Variants in TMPRSS15 observed in about 807,000 individuals in gnomAD.
TMPRSS15 encodes transmembrane serine protease 15, also known as enteropeptidase.
A neutral mutation model predicts 125.3 loss-of-function variants in TMPRSS15; 128 were observed. The ratio of observed to expected loss-of-function variants is 1.02; its 90% CI spans 0.89 to 1.18. TMPRSS15 has a LOEUF of 1.18. Ranked by LOEUF, TMPRSS15 falls within the 50% of genes most tolerant of loss-of-function variation. TMPRSS15 has a pLI of 0.00. For missense variants in TMPRSS15, 1,283 were observed against 1,212.7 expected (o/e 1.06, Z -0.86); for synonymous variants, 446 against 423.2 (o/e 1.05, Z -0.66).
chr21:18,383,852 T>C lies in TMPRSS15; in HGVS notation c.345-74A>G, dbSNP rs549390928. On this transcript the variant is annotated intron_variant, in intron 3 of 24. Coordinates refer to ENST00000284885, the MANE Select transcript of TMPRSS15 (RefSeq NM_002772.3). ...TGATTTGTGTTCAATTCATGTTAAATGTCTTTGAAATTCTCTATAGTTATC... is the reference window on the plus strand; with the variant it reads ...TGATTTGTGTTCAATTCATGTTAAACGTCTTTGAAATTCTCTATAGTTATC... 1.3e-4 allele frequency: 198 copies of C among 1,527,156 alleles called. No individual in the cohort carries two copies. In the East Asian group the frequency reaches 4.2e-3, roughly 32 times the overall value. 94.6% of individuals were successfully genotyped at this position (1,527,156 alleles called of 1,614,324 possible).
chr21:18,424,594 A>G (rs897718125), intron 1 of TMPRSS15, among the ~76,000 whole-genome samples: 1 of 152,192 alleles, frequency 6.6e-6, no homozygotes, highest in Non-Finnish European at 1.5e-5. Flanking sequence ...CAAGTCCTTG[A>G]TAGGTTTAAT....
At chr21:18,418,225 C>A (rs148497293) in intron 1 of TMPRSS15, among the ~76,000 whole-genome samples, 6 of 152,226 alleles carry the variant, frequency 3.9e-5, no homozygotes, top group African/African-American at 1.4e-4. Context: ...AAGACGATAC[C>A]CAAAATACAG....
chr21:18,288,553 TGAGATGGAGTG>T (rs1568985139), intron 21 of TMPRSS15, among the ~76,000 whole-genome samples: 2 of 98,688 alleles, frequency 2.0e-5, no homozygotes, highest in Non-Finnish European at 2.0e-5. Context: ...TTTTTTTTTT[TGAGATGGAGTG>T]TTGTGTTGCT....
At chr21:18,448,698 T>C (rs922951931) in intron 1 of TMPRSS15, among the ~76,000 whole-genome samples, 7 of 152,122 alleles carry the variant, frequency 4.6e-5, no homozygotes, top group Non-Finnish European at 8.8e-5. Context: ...ATTTTAAATA[T>C]CATATCATAC....
At chr21:18,471,100 A>G (rs987083959) in intron 1 of TMPRSS15, among the ~76,000 whole-genome samples, 8 of 152,100 alleles carry the variant, frequency 5.3e-5, no homozygotes, top group Admixed American at 1.3e-4. Flanking sequence ...ACTGTCAGAG[A>G]TAGGACTCAT....
chr21:18,381,180 T>C (rs1360804248), intron 4 of TMPRSS15, among the ~76,000 whole-genome samples: 1 of 152,148 alleles, frequency 6.6e-6, no homozygotes, highest in Non-Finnish European at 1.5e-5. Flanking sequence ...TATTCAAGAC[T>C]ATATTGATGA....
At chr21:18,415,284 A>G (rs1003098000) in intron 1 of TMPRSS15, among the ~76,000 whole-genome samples, 1 of 151,980 alleles carries the variant, frequency 6.6e-6, no homozygotes, top group African/African-American at 2.4e-5. Flanking sequence ...CGTTTTGCAA[A>G]TGTTTTCTCC....
intron 6 of TMPRSS15, 133 bp downstream of exon 6, chr21:18,372,060 A>G: frequency 1.7e-6 from 1 of 578,960 alleles, no homozygotes; most frequent in Non-Finnish European, 2.7e-6. Context: ...CTATTTAAAT[A>G]GCTCATTCTT....
intron 1 of TMPRSS15, among the ~76,000 whole-genome samples, chr21:18,429,775 G>A (rs1381177580): frequency 1.3e-5 from 2 of 152,144 alleles, no homozygotes; most frequent in East Asian, 3.9e-4. Context: ...TATGAACAAA[G>A]TTTCTAGTTC....
chr21:18,312,561 G>A (rs1024021773), intron 18 of TMPRSS15, among the ~76,000 whole-genome samples: 1 of 151,212 alleles, frequency 6.6e-6, no homozygotes, highest in African/African-American at 2.4e-5. Flanking sequence ...GTGTTGCAAA[G>A]ATATAGCAAA....
chr21:18,333,794 T>C (rs767649940), intron 13 of TMPRSS15, among the ~76,000 whole-genome samples: 4 of 152,150 alleles, frequency 2.6e-5, no homozygotes, highest in Non-Finnish European at 4.4e-5. Flanking sequence ...GTAGATTAAC[T>C]TTATAAAATT....
intron 8 of TMPRSS15, among the ~76,000 whole-genome samples, chr21:18,359,471 A>G (rs1303566542): frequency 6.6e-6 from 1 of 152,080 alleles, no homozygotes; most frequent in Non-Finnish European, 1.5e-5. Flanking sequence ...TAACATTTAA[A>G]CAATGTATGG....
chr21:18,443,453 G>A (rs2076247522), intron 1 of TMPRSS15, among the ~76,000 whole-genome samples: 1 of 152,188 alleles, frequency 6.6e-6, no homozygotes, highest in South Asian at 2.1e-4. Context: ...AGGGACCTGT[G>A]TAAAACTGAA....
chr21:18,460,310 C>A (rs1978527925), intron 1 of TMPRSS15, among the ~76,000 whole-genome samples: 1 of 152,046 alleles, frequency 6.6e-6, no homozygotes, highest in Non-Finnish European at 1.5e-5. Flanking sequence ...TCTATTCTAT[C>A]TGTTGCTCAT....
rs1447185365 is a variant in TMPRSS15 at position 18,294,346 on chromosome 21, A to C, written c.2410T>G (p.Tyr804Asp). The C allele has an allele frequency of 6.2e-7, 1 of 1,614,256 alleles. No homozygotes were observed. The highest frequency in any genetic ancestry group is 1.1e-5 in the South Asian group (1 of 91,090). Residue 804 changes from tyrosine (Y) to aspartate (D), a missense_variant, in exon 21 of 25, where the codon TAT (tyrosine) becomes GAT (aspartate). Tyr to Asp is a radical substitution (Grantham distance 160, BLOSUM62 -3). Coordinates refer to ENST00000284885, the MANE Select transcript of TMPRSS15 (RefSeq NM_002772.3). Reference protein sequence around the residue: ...GAWPWVVGLYYGGRLLCGASL... With the variant: ...GAWPWVVGLYDGGRLLCGASL... ...GCGCCGCAGAGCAGTCGGCCGCCAT[A>C]ATACAGACCCACAACCCAGGGCCAG...
chr21:18,293,588 C>T (rs1469254806), intron 21 of TMPRSS15, among the ~76,000 whole-genome samples: 1 of 152,136 alleles, frequency 6.6e-6, no homozygotes, highest in Admixed American at 6.5e-5. Flanking sequence ...TTCTTGGGTC[C>T]AGGATCATTT....
At chr21:18,293,722 G>T (rs1335463887) in intron 21 of TMPRSS15, among the ~76,000 whole-genome samples, 1 of 152,172 alleles carries the variant, frequency 6.6e-6, no homozygotes, top group African/African-American at 2.4e-5. Flanking sequence ...GTCAGATACG[G>T]TTGATATTAG....
intron 1 of TMPRSS15, among the ~76,000 whole-genome samples, chr21:18,449,670 C>A (rs753980041): frequency 2.0e-5 from 3 of 151,994 alleles, no homozygotes; most frequent in Non-Finnish European, 4.4e-5. Context: ...GCAGTCAGTA[C>A]CTACCACATC....
At chr21:18,441,606 CAAAA>C (rs201137705) in intron 1 of TMPRSS15, among the ~76,000 whole-genome samples, 1 of 98,526 alleles carries the variant, frequency 1.0e-5, no homozygotes, top group African/African-American at 4.6e-5. Flanking sequence ...GACTCCATCT[CAAAA>C]AAAAAAAAAA....
Sources: gnomAD v4.1 joint callset for allele counts (sites outside exome capture counted in the v4.1 genomes callset) on GRCh38, gnomAD v4.1.1 for gene constraint, MANE v1.5 for transcripts, NCBI Gene and HGNC (gene_info 2026-07-23, HGNC 2026-07-21) for gene names.